The following SYT14 variants were observed in gnomAD, a reference collection of about 807,000 sequenced individuals.
SYT14 encodes synaptotagmin 14, also known as synaptotagmin-14.
A neutral mutation model predicts 74.2 loss-of-function variants in SYT14; 32 were observed. That is an observed-to-expected ratio of 0.43 (90% CI 0.33 to 0.58). SYT14 has a LOEUF of 0.58. Ranked by LOEUF, SYT14 falls within the 20% of genes least tolerant of loss-of-function variation. The pLI is 0.05. For missense variants in SYT14, 791 were observed against 981.8 expected, an observed-to-expected ratio of 0.81 and a Z score of 2.60; for synonymous variants, 298 against 337.7, an observed-to-expected ratio of 0.88 and a Z score of 1.29.
At chr1:209,989,886 G>C (rs978303245) in intron 2 of SYT14, among the ~76,000 whole-genome samples, 2 of 151,826 alleles carry the variant, frequency 1.3e-5, no homozygotes, top group Admixed American at 6.6e-5. Flanking sequence ...TAAACTCTAA[G>C]ATATATTTAT....
At chr1:210,053,473 C>G (rs2081040602) in intron 5 of SYT14, among the ~76,000 whole-genome samples, 1 of 152,100 alleles carries the variant, frequency 6.6e-6, no homozygotes, top group African/African-American at 2.4e-5. Flanking sequence ...AAACTAAAAG[C>G]TTTACATGAC....
intron 2 of SYT14, among the ~76,000 whole-genome samples, chr1:210,004,817 T>G (rs2079961303): frequency 6.6e-6 from 1 of 152,050 alleles, no homozygotes; most frequent in African/African-American, 2.4e-5. Flanking sequence ...TAGTTTTTCT[T>G]TAAAATTTCA....
intron 5 of SYT14, among the ~76,000 whole-genome samples, chr1:210,041,224 C>T (rs2080782563): frequency 6.6e-6 from 1 of 152,168 alleles, no homozygotes; most frequent in Non-Finnish European, 1.5e-5. Context: ...ACAGCAGTCC[C>T]TACCCAGGGC....
At chr1:210,061,459 T>C (rs1282286945) in intron 5 of SYT14, among the ~76,000 whole-genome samples, 1 of 151,922 alleles carries the variant, frequency 6.6e-6, no homozygotes, top group African/African-American at 2.4e-5. Context: ...GCCTCAAAAA[T>C]AGATGTTTAT....
intron 5 of SYT14, among the ~76,000 whole-genome samples, chr1:210,031,539 A>T (rs1490740393): frequency 1.3e-5 from 2 of 152,108 alleles, no homozygotes; most frequent in Non-Finnish European, 2.9e-5. Flanking sequence ...TGAATCCAAA[A>T]TTTCTGCTTT....
intron 2 of SYT14, among the ~76,000 whole-genome samples, chr1:209,987,373 C>T (rs540223654): frequency 6.6e-6 from 1 of 152,324 alleles, no homozygotes; most frequent in African/African-American, 2.4e-5. Context: ...AAGCATGGCG[C>T]TGGCATCTGT....
At chr1:210,098,950 C>A (rs756273838) in intron 6 of SYT14, among the ~76,000 whole-genome samples, 4 of 152,014 alleles carry the variant, frequency 2.6e-5, no homozygotes, top group Non-Finnish European at 5.9e-5. Flanking sequence ...TGCCTCAGCT[C>A]CCCAAATCTT....
At position 209,978,588 on chromosome 1, in the gene SYT14, G is replaced by A. The variant is rs574732101; in HGVS notation, c.-486+25832G>A. 1.5e-3 allele frequency among the ~76,000 whole-genome samples: 233 copies of A among 152,228 alleles called. 1 individual carries two copies. The highest frequency in any genetic ancestry group is 5.2e-3 in the African/African-American group (216 of 41,538). On this transcript the variant is annotated intron_variant, in intron 2 of 9. Coordinates refer to ENST00000637265, the Ensembl canonical transcript of SYT14. ...GAAGTTTTGTCTCAGAGGAGTACCT[G>A]GCCGTGTGAGGTGTCAGTCTGCCCC...
At chr1:209,981,818 T>G (rs2079493150) in intron 2 of SYT14, among the ~76,000 whole-genome samples, 1 of 152,170 alleles carries the variant, frequency 6.6e-6, no homozygotes, top group Admixed American at 6.5e-5. Flanking sequence ...CTTGTAAAGT[T>G]TCTGCCGAGA....
chr1:209,944,076 TA>T (rs2078782576), intron 1 of SYT14, among the ~76,000 whole-genome samples: 1 of 152,212 alleles, frequency 6.6e-6, no homozygotes, highest in Non-Finnish European at 1.5e-5. Flanking sequence ...TTCAAGATAT[TA>T]TTTTGAGTCA....
intron 2 of SYT14, among the ~76,000 whole-genome samples, chr1:209,970,870 G>C (rs1333147718): frequency 6.6e-6 from 1 of 151,458 alleles, no homozygotes; most frequent in Non-Finnish European, 1.5e-5. Context: ...AGTAGAGATG[G>C]GGTTTCACCA....
At chr1:209,952,609 T>C (rs1252339678) in intron 1 of SYT14, 100 bp from the exon 2 acceptor site, 1 of 1,007,382 alleles carries the variant, frequency 9.9e-7, no homozygotes, top group Non-Finnish European at 1.5e-6. Context: ...GAAACTTTTT[T>C]TGAGGTCACT....
chr1:209,970,278 A>G (rs554505615), intron 2 of SYT14, among the ~76,000 whole-genome samples: 2 of 152,116 alleles, frequency 1.3e-5, no homozygotes, highest in Admixed American at 6.6e-5. Context: ...CATTCCACAT[A>G]TAGTAATCCA....
intron 5 of SYT14, among the ~76,000 whole-genome samples, chr1:210,071,332 A>G (rs1479996289): frequency 1.6e-5 from 2 of 122,572 alleles, no homozygotes; most frequent in Non-Finnish European, 3.8e-5. Context: ...CTAAGTCACA[A>G]GTCCTTATAG....
chr1:210,016,116 C>T (rs977860156), exon 4 of SYT14: 42 of 1,231,976 alleles, frequency 3.4e-5, no homozygotes, highest in African/African-American at 4.7e-5. Context: ...GTCAGCTATG[C>T]TTTAACTGAC....
chr1:210,102,210 C>T (rs1446509491), intron 7 of SYT14, among the ~76,000 whole-genome samples: 2 of 151,998 alleles, frequency 1.3e-5, no homozygotes, highest in East Asian at 3.9e-4. Context: ...GGTATAAAGC[C>T]CAGGACCTAA....
intron 5 of SYT14, among the ~76,000 whole-genome samples, chr1:210,024,980 G>T (rs939021854): frequency 2.0e-5 from 3 of 151,754 alleles, no homozygotes; most frequent in African/African-American, 7.3e-5. Context: ...AAGGAAGTCA[G>T]ATTGAATGTT....
intron 2 of SYT14, among the ~76,000 whole-genome samples, chr1:209,995,156 A>G (rs752285280): frequency 5.9e-5 from 9 of 152,212 alleles, no homozygotes; most frequent in Admixed American, 1.3e-4. Context: ...CTAACCTTGA[A>G]TGTAAATACA....
intron 1 of SYT14, among the ~76,000 whole-genome samples, chr1:209,945,649 C>T (rs1055385428): frequency 3.9e-5 from 6 of 152,142 alleles, no homozygotes; most frequent in African/African-American, 1.4e-4. Flanking sequence ...AGTAGCCTTT[C>T]AGTGTTTGAC....
Sources: allele counts gnomAD v4.1 joint callset (sites outside exome capture counted in the v4.1 genomes callset), GRCh38; gene constraint gnomAD v4.1.1; transcripts MANE v1.5; gene names NCBI Gene and HGNC (gene_info 2026-07-23, HGNC 2026-07-21).